Variants in PPIF observed in about 807,000 individuals in gnomAD.
The protein encoded by PPIF is peptidyl-prolyl cis-trans isomerase F, mitochondrial.
Under a neutral mutation model 20.2 loss-of-function variants are expected in PPIF, and 23 were observed. The observed-to-expected ratio is 1.14, with a 90% CI of 0.82 to 1.61. The LOEUF (loss-of-function observed/expected upper bound fraction) is 1.61. Among genes scored for constraint, PPIF ranks in the 40% most tolerant of loss-of-function variants. The pLI is 0.00. For synonymous variants in PPIF, 113 were observed against 123.1 expected (o/e 0.92, Z 0.54); for missense variants, 287 against 291.6 (o/e 0.98, Z 0.11).
At chr10:79,348,334 C>T (rs969844803) in intron 1 of PPIF, among the ~76,000 whole-genome samples, 1 of 152,174 alleles carries the variant, frequency 6.6e-6, no homozygotes, top group African/African-American at 2.4e-5. Flanking sequence ...GACAGTGTGC[C>T]CGGCGCCTCA....
chr10:79,353,249 T>G lies in PPIF; in HGVS notation c.489-458T>G, dbSNP rs540327150. ...TCGCTGGAGCTGGACTGAGCCGCCT[T>G]TTACATTATTGGACTCTCTCGGGTT... is the stretch of plus-strand genomic sequence containing the variant. On this transcript the variant is annotated intron_variant, in intron 5 of 5. Transcript: ENST00000225174. Among the ~76,000 whole-genome samples, 9 of 152,348 alleles carry G rather than the reference T, an allele frequency of 5.9e-5. 1 individual carries two copies. In the East Asian group the frequency reaches 1.7e-3, roughly 29 times the overall value.
Position 79,351,482 on chromosome 10 carries a change from C to T in PPIF, c.316-5C>T. 1.2e-6 allele frequency: 2 copies of T among 1,613,716 alleles called. No individual in the cohort carries two copies. Among genetic ancestry groups the T allele is most frequent in the South Asian group, 1.1e-5 (1 of 91,066 alleles). On this transcript the variant is annotated splice_region_variant and splice_polypyrimidine_tract_variant and intron_variant, in intron 3 of 5. Transcript: ENST00000225174. ...AGCCACTCAGAAGGTGCTTTGTGCTCACAGGCGGGCGACTTCACCAACCAC... is the reference window on the plus strand; with the variant it reads ...AGCCACTCAGAAGGTGCTTTGTGCTTACAGGCGGGCGACTTCACCAACCAC...
intron 3 of PPIF, chr10:79,349,970 C>G (rs534816967): frequency 7.8e-6 from 8 of 1,025,970 alleles, no homozygotes; most frequent in African/African-American, 1.6e-5. Context: ...AGGCCCTGCC[C>G]GGGGGACTGG....
intron 3 of PPIF, among the ~76,000 whole-genome samples, chr10:79,350,219 CATT>C (rs1489124451): frequency 3.3e-4 from 51 of 152,242 alleles, no homozygotes; most frequent in African/African-American, 1.2e-3. Context: ...CAGAGAAAGG[CATT>C]ATTCTCGGTG....
intron 5 of PPIF, 60 bp downstream of exon 5, chr10:79,352,452 TCGTGCA>T: frequency 6.4e-7 from 1 of 1,553,702 alleles, no homozygotes; most frequent in Non-Finnish European, 8.9e-7. Context: ...GGAGGAGGAT[TCGTGCA>T]CTTTTAGGGG....
In PPIF at chr10:79,353,993, C is replaced by T. The variant is rs1856016780; in HGVS notation, c.*151C>T. On this transcript the variant is annotated 3_prime_UTR_variant, in exon 6 of 6. Coordinates refer to ENST00000225174, the MANE Select transcript of PPIF (RefSeq NM_005729.4). ...AGGAAGGCTGCTAGGGATGTTAGACCTCGGCCAGGACCCACCACATTGCTT... is the reference window on the plus strand; with the variant it reads ...AGGAAGGCTGCTAGGGATGTTAGACTTCGGCCAGGACCCACCACATTGCTT... 3 of 875,734 alleles carry T rather than the reference C, an allele frequency of 3.4e-6. No homozygotes were observed. The highest frequency in any genetic ancestry group is 5.3e-5 in the East Asian group (2 of 37,638). 54.2% of individuals were successfully genotyped at this position (875,734 alleles called of 1,614,324 possible). A position where few individuals can be genotyped will look rare whatever the true frequency, so the allele number is the denominator to read the frequency against.
At chr10:79,350,551 C>T (rs1316313) in intron 3 of PPIF, among the ~76,000 whole-genome samples, 51,920 of 152,104 alleles carry the variant, frequency 0.34, 9,974 homozygotes, top group East Asian at 0.65. Flanking sequence ...TGGGACTGGA[C>T]GTCTATGTGC....
chr10:79,353,521 A>G, intron 5 of PPIF, 186 bp from the exon 6 acceptor site: 1 of 989,566 alleles, frequency 1.0e-6, no homozygotes, highest in South Asian at 1.7e-5. Flanking sequence ...CCTGGAAGCC[A>G]GGCATCCTCT....
chr10:79,349,671 T>G lies in PPIF; in HGVS notation c.233T>G (p.Phe78Cys). 7 of 1,613,456 alleles carry G rather than the reference T, an allele frequency of 4.3e-6. No individual in the cohort carries two copies. Among genetic ancestry groups the G allele is most frequent in the Non-Finnish European group, 5.9e-6 (7 of 1,179,986 alleles). ...GTTTCTCTTCGACCCTCAGAGAACT[T>G]CAGAGCCCTGTGCACTGGTGAGAAG... is the stretch of plus-strand genomic sequence containing the variant. ...ADVVPKTAENFRALCTGEKGF... is the reference protein window; with the variant it reads ...ADVVPKTAENCRALCTGEKGF... The change falls in exon 3 of 6, where the codon TTC (phenylalanine) becomes TGC (cysteine). Residue 78 changes from phenylalanine (F) to cysteine (C), a missense_variant. Physicochemically the swap from Phe to Cys is radical, Grantham distance 205. Coordinates refer to ENST00000225174, the MANE Select transcript of PPIF (RefSeq NM_005729.4).
Position 79,347,693 on chromosome 10 carries a change from T to C in PPIF, c.145T>C (p.Tyr49His). 6.8e-7 allele frequency: 1 copy of C among 1,478,340 alleles called. No individual in the cohort carries two copies. The highest frequency in any genetic ancestry group is 9.0e-7 in the Non-Finnish European group (1 of 1,110,478). The allele number at this position is 1,478,340 out of a possible 1,614,324, so 91.6% of individuals were successfully genotyped here. ...CTCCTCCTCCGGGAACCCGCTCGTG[T>C]ACCTGGACGTGGACGCCAACGGGAA... ...SSSSSGNPLV[Y>H]LDVDANGKPL... The change falls in exon 1 of 6, where the codon TAC becomes CAC. Residue 49 changes from tyrosine to histidine, a missense_variant. Coordinates refer to ENST00000225174, the MANE Select transcript of PPIF (RefSeq NM_005729.4).
At chr10:79,351,685 C>A in intron 4 of PPIF, 102 bp downstream of exon 4, 2 of 1,024,936 alleles carry the variant, frequency 2.0e-6, no homozygotes, top group Non-Finnish European at 2.9e-6. Flanking sequence ...CGTCCAGTAT[C>A]TGATGAGTCT....
chr10:79,353,565 C>G, intron 5 of PPIF, 142 bp from the exon 6 acceptor site: 1 of 1,458,396 alleles, frequency 6.9e-7, no homozygotes, highest in Non-Finnish European at 9.4e-7. Flanking sequence ...AAGGCTTGAT[C>G]GAGCTTTGGG....
chr10:79,351,525 G>C lies in PPIF; in HGVS notation c.354G>C (p.Lys118Asn). ...DFTNHNGTGG[K>N]SIYGSRFPDE... ...CCAACCACAATGGCACAGGCGGGAA[G>C]TCCATCTACGGAAGCCGCTTTCCTG... is the stretch of plus-strand genomic sequence containing the variant. Residue 118 changes from lysine to asparagine, a missense_variant, in exon 4 of 6, where the codon AAG becomes AAC. Physicochemically the swap from Lys to Asn is moderately conservative, Grantham distance 94. Coordinates refer to ENST00000225174, the MANE Select transcript of PPIF (RefSeq NM_005729.4). 6.2e-7 allele frequency: 1 copy of C among 1,614,110 alleles called. No individual in the cohort carries two copies. Among genetic ancestry groups the C allele is most frequent in the Non-Finnish European group, 8.5e-7 (1 of 1,180,002 alleles).
At chr10:79,349,328 G>A (rs1855946589) in intron 2 of PPIF, among the ~76,000 whole-genome samples, 2 of 152,252 alleles carry the variant, frequency 1.3e-5, no homozygotes. Context: ...GGGAGCCTCA[G>A]AGCCAGTGGA....
In PPIF at chr10:79,347,500, T is replaced by C; in HGVS notation, c.-49T>C. ...CCTTCTGGGCGCGCGCGACGTCAGTTTGAGTTCTGTGTTCTCCCCGCCCGT... is the reference window on the plus strand; with the variant it reads ...CCTTCTGGGCGCGCGCGACGTCAGTCTGAGTTCTGTGTTCTCCCCGCCCGT... On this transcript the variant is annotated 5_prime_UTR_variant, in exon 1 of 6. Transcript: ENST00000225174. 3.2e-6 allele frequency: 4 copies of C among 1,262,574 alleles called. No individual in the cohort carries two copies. The highest frequency in any genetic ancestry group is 3.2e-5 in the East Asian group (1 of 30,924). The allele number at this position is 1,262,574 out of a possible 1,614,324, so 78.2% of individuals were successfully genotyped here.
At chr10:79,351,162 G>A (rs1453817564) in intron 3 of PPIF, among the ~76,000 whole-genome samples, 3 of 152,328 alleles carry the variant, frequency 2.0e-5, no homozygotes, top group African/African-American at 7.2e-5. Flanking sequence ...CCTCCAGGAG[G>A]AGTGGGTTAA....
Position 79,349,666 on chromosome 10 carries a change from G to A in PPIF, c.228G>A (p.Glu76=). The A allele has an allele frequency of 6.2e-7, 1 of 1,613,350 alleles. No individual in the cohort carries two copies. The highest frequency in any genetic ancestry group is 1.3e-5 in the African/African-American group (1 of 75,042). Reference sequence around the variant, plus strand: ...CCTGTGTTTCTCTTCGACCCTCAGAGAACTTCAGAGCCCTGTGCACTGGTG... The same window carrying A: ...CCTGTGTTTCTCTTCGACCCTCAGAAAACTTCAGAGCCCTGTGCACTGGTG... The part of the protein sequence containing the change: ...LKADVVPKTA[E]NFRALCTGEK... Residue 76 remains glutamate, a splice_region_variant and synonymous_variant, in exon 3 of 6, where the codon GAG becomes GAA. Transcript: ENST00000225174.
chr10:79,351,796 G>A, intron 4 of PPIF: 1 of 528,230 alleles, frequency 1.9e-6, no homozygotes, highest in Non-Finnish European at 3.3e-6. Context: ...GGTTTCCTTT[G>A]GGAACTTTGT....
intron 1 of PPIF, among the ~76,000 whole-genome samples, chr10:79,348,220 A>G (rs892651025): frequency 2.6e-5 from 4 of 152,038 alleles, no homozygotes; most frequent in Non-Finnish European, 5.9e-5. Flanking sequence ...TGGGAAATGG[A>G]GCGAGAGGTG....
Sources: allele counts gnomAD v4.1 joint callset (sites outside exome capture counted in the v4.1 genomes callset), GRCh38; gene constraint gnomAD v4.1.1; transcripts MANE v1.5; gene names NCBI Gene and HGNC (gene_info 2026-07-23, HGNC 2026-07-21).